KMT2C: variants seen among roughly 807,000 people sequenced by gnomAD.
KMT2C encodes the protein histone-lysine N-methyltransferase 2C.
In KMT2C, 88 loss-of-function variants were observed where a neutral mutation model predicts 507.9. The observed-to-expected ratio is 0.17, with a 90% CI of 0.15 to 0.21. The LOEUF is 0.21. KMT2C is among the 10% of genes least tolerant of loss of function. The pLI is 1.00. For missense variants in KMT2C, 4,954 were observed against 5,957.8 expected (o/e 0.83, Z 5.55); for synonymous variants, 2,049 against 2,080.8 (o/e 0.98, Z 0.42).
chr7:152,410,736 C>T (rs1030560989), intron 1 of KMT2C, among the ~76,000 whole-genome samples: 10 of 151,470 alleles, frequency 6.6e-5, no homozygotes, highest in African/African-American at 2.4e-4. Context: ...GTGACTCACG[C>T]CTATAATCCC....
chr7:152,396,322 A>G (rs565303240), intron 1 of KMT2C, among the ~76,000 whole-genome samples: 1 of 152,346 alleles, frequency 6.6e-6, no homozygotes, highest in East Asian at 1.9e-4. Context: ...ATGAAAAGAC[A>G]AAGATTGGTG....
At chr7:152,419,969 G>T (rs904330959) in intron 1 of KMT2C, among the ~76,000 whole-genome samples, 3 of 152,146 alleles carry the variant, frequency 2.0e-5, no homozygotes, top group African/African-American at 7.2e-5. Flanking sequence ...TCTTTCTTCA[G>T]TTCCTCTGAG....
intron 6 of KMT2C, among the ~76,000 whole-genome samples, chr7:152,277,524 G>A (rs112407479): frequency 2.5e-4 from 38 of 152,192 alleles, no homozygotes; most frequent in Non-Finnish European, 4.4e-4. Flanking sequence ...ACCTAAAACC[G>A]AAAGAGTCAT....
intron 5 of KMT2C, among the ~76,000 whole-genome samples, chr7:152,310,407 C>T (rs1440560043): frequency 6.6e-6 from 1 of 152,078 alleles, no homozygotes; most frequent in Admixed American, 6.6e-5. Flanking sequence ...AAAACCCTGT[C>T]TCTACAAATT....
At chr7:152,241,052 T>C (rs1482961493) in intron 14 of KMT2C, among the ~76,000 whole-genome samples, 1 of 152,262 alleles carries the variant, frequency 6.6e-6, no homozygotes, top group Non-Finnish European at 1.5e-5. Context: ...ACTAACCTTG[T>C]GGCATTTGTC....
intron 1 of KMT2C, among the ~76,000 whole-genome samples, chr7:152,410,390 C>T (rs1407286371): frequency 2.7e-5 from 4 of 145,656 alleles, no homozygotes; most frequent in African/African-American, 7.7e-5. Context: ...CCAGCTTGGG[C>T]GACGGAGGAA....
In KMT2C at chr7:152,181,568, G is replaced by A. The variant is rs781592244; in HGVS notation, c.6292C>T (p.Pro2098Ser). 2.5e-6 allele frequency: 4 copies of A among 1,614,012 alleles called. No individual in the cohort carries two copies. In the Admixed American group the frequency reaches 5.0e-5, roughly 20 times the overall value. The change falls in exon 36 of 59, where the codon CCC becomes TCC. Residue 2098 changes from proline to serine, a missense_variant. Pro to Ser is a moderately conservative substitution (Grantham distance 74). Around this residue, in one of 29 missense-constraint regions of KMT2C, gnomAD observed 1,689 missense variants for 1,654.3 expected, o/e 1.02. Transcript: ENST00000262189. Reference sequence around the variant, plus strand: ...TTCACTGCTGGATGTGGGGTAAGGGGAGGCTGACTATATGGATCATTTGAC... The same window carrying A: ...TTCACTGCTGGATGTGGGGTAAGGGAAGGCTGACTATATGGATCATTTGAC... Reference protein sequence around the residue: ...NQSNDPYSQPPLTPHPAVNES... With the variant: ...NQSNDPYSQPSLTPHPAVNES...
chr7:152,300,324 A>C (rs1318859769), intron 6 of KMT2C, among the ~76,000 whole-genome samples: 2 of 152,234 alleles, frequency 1.3e-5, no homozygotes, highest in Non-Finnish European at 2.9e-5. Flanking sequence ...CCTAACTGGT[A>C]ATCATGGTTT....
intron 39 of KMT2C, among the ~76,000 whole-genome samples, chr7:152,173,459 G>A (rs114153599): frequency 6.6e-5 from 10 of 152,216 alleles, no homozygotes; most frequent in Admixed American, 1.3e-4. Context: ...GTCTGCAGTA[G>A]AGCAAAATAA....
At chr7:152,322,478 T>C (rs1309639578) in intron 3 of KMT2C, among the ~76,000 whole-genome samples, 2 of 151,968 alleles carry the variant, frequency 1.3e-5, no homozygotes, top group Admixed American at 1.3e-4. Flanking sequence ...GTCTCCTCAA[T>C]AAATGGCACT....
rs1157945829 is a variant in KMT2C, at chr7:152,187,305, G to C, written c.4965C>G (p.Leu1655=). 1 of 1,613,980 alleles carries C rather than the reference G, an allele frequency of 6.2e-7. No homozygotes were observed. Among genetic ancestry groups the C allele is most frequent in the Admixed American group, 1.7e-5 (1 of 60,020 alleles). Residue 1655 remains leucine (L), a synonymous_variant, in exon 33 of 59, where the codon CTC becomes CTG. Coordinates refer to ENST00000262189, the MANE Select transcript of KMT2C (RefSeq NM_170606.3). ...AGTTGGGGAAATTAATATTGGTGTA[G>C]AGAACTGGGGCAACAGTTGCCATTT... ...LGEMATVAPV[L]YTNINFPNLK...
intron 1 of KMT2C, among the ~76,000 whole-genome samples, chr7:152,386,926 G>A (rs1339501323): frequency 6.6e-6 from 1 of 152,064 alleles, no homozygotes. Flanking sequence ...ACCAGTAAGG[G>A]CACCAAGATT....
At position 152,149,045 on chromosome 7, in the gene KMT2C, C is replaced by A. The variant is rs2129095684; in HGVS notation, c.12882G>T (p.Gln4294His). 2 of 1,532,376 alleles carry A rather than the reference C, an allele frequency of 1.3e-6. No individual in the cohort carries two copies. Among genetic ancestry groups the A allele is most frequent in the Non-Finnish European group, 8.7e-7 (1 of 1,144,696 alleles). 94.9% of individuals were successfully genotyped at this position (1,532,376 alleles called of 1,614,324 possible). ...CAGGGGGAGAAGCTTTCTCTGGGAG[C>A]TGGGGGAGACAGTGCACATCCAAAG... ...ISTLDVHCLP[Q>H]LPEKASPPAS... Residue 4294 changes from glutamine (Q) to histidine (H), a missense_variant, in exon 52 of 59, where the codon CAG (glutamine) becomes CAT (histidine). This residue lies in a region of KMT2C where 417 missense variants were observed against 461.1 expected (regional missense o/e 0.90). Coordinates refer to ENST00000262189, the MANE Select transcript of KMT2C (RefSeq NM_170606.3).
In KMT2C at chr7:152,435,780, A is replaced by C. The variant is rs2097912165; in HGVS notation, c.7T>G (p.Ser3Ala). 5.7e-6 allele frequency: 8 copies of C among 1,406,468 alleles called. No homozygotes were observed. Among genetic ancestry groups the C allele is most frequent in the Middle Eastern group, 2.1e-4 (1 of 4,874 alleles). The allele number at this position is 1,406,468 out of a possible 1,614,324, so 87.1% of individuals were successfully genotyped here. A position where few individuals can be genotyped will look rare whatever the true frequency, so the allele number is the denominator to read the frequency against. The change falls in exon 1 of 59, where the codon TCG becomes GCG. Residue 3 changes from serine (S) to alanine (A), a missense_variant. By Grantham distance (99) the Ser-to-Ala change is moderately conservative. This residue lies in a region of KMT2C where 51 missense variants were observed against 43.5 expected (regional missense o/e 1.17). Transcript: ENST00000262189. ...TGCTCCACGCTCTTGTCCTCCTCCG[A>C]CGACATCCTAGTCACCAGGAAAGAC... MS[S>A]EEDKSVEQPQ...
intron 1 of KMT2C, among the ~76,000 whole-genome samples, chr7:152,371,155 A>G (rs2097290417): frequency 6.6e-6 from 1 of 152,238 alleles, no homozygotes; most frequent in Admixed American, 6.5e-5. Flanking sequence ...TCTAGTATAA[A>G]TGTAAAGAGA....
At chr7:152,215,279 C>T (rs1444356024) in intron 23 of KMT2C, among the ~76,000 whole-genome samples, 2 of 151,550 alleles carry the variant, frequency 1.3e-5, no homozygotes, top group Admixed American at 6.6e-5. Context: ...TTTGGGAGGC[C>T]GAGGCAGGCA....
At chr7:152,217,745 T>C (rs537798095) in intron 23 of KMT2C, among the ~76,000 whole-genome samples, 29 of 147,318 alleles carry the variant, frequency 2.0e-4, no homozygotes, top group African/African-American at 7.8e-4. Flanking sequence ...TTGAAACATA[T>C]CACCATTTCT....
rs2095720190 is a variant in KMT2C, at chr7:152,259,444, G to GTGCA, written c.1299+3571_1299+3572insTGCA. ...GAGACAAAAACACAGACACACACACGCGCACACACACACACACACACACAC... is the reference window on the plus strand; with the variant it reads ...GAGACAAAAACACAGACACACACACGTGCACGCACACACACACACACACACACAC... On this transcript the variant is annotated intron_variant, in intron 9 of 58. Coordinates refer to ENST00000262189, the MANE Select transcript of KMT2C (RefSeq NM_170606.3). Among the ~76,000 whole-genome samples the GTGCA allele has an allele frequency of 4.7e-5, 4 of 85,370 alleles. No individual in the cohort carries two copies. The South Asian group carries it at 1.1e-3, about 24-fold the overall frequency. 56.0% of individuals were successfully genotyped at this position (85,370 alleles called of 152,430 possible).
At chr7:152,307,060 C>T (rs1051907167) in intron 6 of KMT2C, among the ~76,000 whole-genome samples, 10 of 151,612 alleles carry the variant, frequency 6.6e-5, no homozygotes, top group Admixed American at 5.9e-4. Context: ...TCGGGAGGCT[C>T]GGGGGAGAAC....
Sources: gnomAD v4.1 joint callset for allele counts (sites outside exome capture counted in the v4.1 genomes callset) on GRCh38, gnomAD v4.1.1 for gene constraint, gnomAD v4.1.1 regional missense constraint, MANE v1.5 for transcripts, NCBI Gene and HGNC (gene_info 2026-07-23, HGNC 2026-07-21) for gene names.